Variants in SLC9B1 observed in about 807,000 individuals in gnomAD.
The protein encoded by SLC9B1 is solute carrier family 9 member B1, also known as sodium/hydrogen exchanger 9B1.
SLC9B1 carries 32 observed loss-of-function variants against 51.7 expected under a neutral mutation model. The observed-to-expected ratio is 0.62, with a 90% confidence interval of 0.47 to 0.83. The LOEUF (loss-of-function observed/expected upper bound fraction) is 0.83. Among genes scored for constraint, SLC9B1 ranks in the 40% least tolerant of loss-of-function variants. The pLI is 0.00. For synonymous variants in SLC9B1, 145 were observed against 212.7 expected (o/e 0.68, Z 2.77); for missense variants, 406 against 613.2 (o/e 0.66, Z 3.57).
chr4:102,914,755 C>A (rs1372965729), intron 7 of SLC9B1, among the ~76,000 whole-genome samples: 1 of 151,980 alleles, frequency 6.6e-6, no homozygotes, highest in Admixed American at 6.6e-5. Flanking sequence ...AGGATGCCAT[C>A]AAGCAGACCA....
chr4:102,993,764 G>C (rs1740074995), intron 1 of SLC9B1, among the ~76,000 whole-genome samples: 1 of 152,214 alleles, frequency 6.6e-6, no homozygotes, highest in Non-Finnish European at 1.5e-5. Flanking sequence ...CTGAAATCTA[G>C]GTGGAGGTTC....
chr4:102,962,894 G>T (rs1459579638), intron 3 of SLC9B1: 1 of 469,166 alleles, frequency 2.1e-6, no homozygotes, highest in Admixed American at 2.3e-5. Context: ...AATAGATGTT[G>T]GTTACAAAAG....
At chr4:103,015,761 T>C (rs1741283104) in intron 1 of SLC9B1, among the ~76,000 whole-genome samples, 2 of 152,176 alleles carry the variant, frequency 1.3e-5, no homozygotes, top group South Asian at 4.1e-4. Context: ...GCCGAAGGTC[T>C]CACCTCTGAC....
chr4:102,938,268 A>T (rs763482746), intron 6 of SLC9B1, among the ~76,000 whole-genome samples: 14 of 152,238 alleles, frequency 9.2e-5, no homozygotes, highest in Non-Finnish European at 1.8e-4. Context: ...ACAATCAAAA[A>T]GACAAAGAAG....
intron 3 of SLC9B1, among the ~76,000 whole-genome samples, chr4:102,969,542 G>T (rs752474911): frequency 2.0e-5 from 3 of 152,236 alleles, no homozygotes; most frequent in Non-Finnish European, 4.4e-5. Context: ...AACAAGAGCA[G>T]ACAAGCTGAA....
intron 3 of SLC9B1, among the ~76,000 whole-genome samples, chr4:102,979,232 C>T (rs534576146): frequency 1.3e-5 from 2 of 152,254 alleles, no homozygotes; most frequent in Admixed American, 6.5e-5. Flanking sequence ...AAGTAGTTAA[C>T]CTGATTGGTG....
chr4:102,900,157 C>T (rs1734719116), downstream of SLC9B1, among the ~76,000 whole-genome samples: 3 of 152,252 alleles, frequency 2.0e-5, no homozygotes, highest in South Asian at 4.1e-4. Context: ...TTGCATTGAG[C>T]TTTTGCCAAA....
At chr4:102,947,783 T>C (rs1210701461) in intron 4 of SLC9B1, among the ~76,000 whole-genome samples, 4 of 152,266 alleles carry the variant, frequency 2.6e-5, no homozygotes, top group Non-Finnish European at 5.9e-5. Context: ...GGCTAAATGA[T>C]ATAAACAACA....
intron 7 of SLC9B1, among the ~76,000 whole-genome samples, chr4:102,927,591 A>T (rs1319754630): frequency 1.3e-5 from 2 of 152,236 alleles, no homozygotes; most frequent in Admixed American, 1.3e-4. Context: ...GCTGGAGAGC[A>T]TATGGAGAAA....
At chr4:102,967,374 T>C (rs1738484327) in intron 3 of SLC9B1, among the ~76,000 whole-genome samples, 1 of 152,236 alleles carries the variant, frequency 6.6e-6, no homozygotes, top group East Asian at 1.9e-4. Context: ...ACAAATTTTC[T>C]GTCTTAGTCC....
intron 1 of SLC9B1, 105 bp from the exon 2 acceptor site, chr4:102,991,817 C>T (rs1392851820): frequency 2.7e-6 from 2 of 729,058 alleles, no homozygotes; most frequent in African/African-American, 1.8e-5. Flanking sequence ...ATTTTTTGTT[C>T]TAAAGTTGTA....
At chr4:103,010,111 A>G (rs1477606097) in intron 1 of SLC9B1, among the ~76,000 whole-genome samples, 1 of 152,250 alleles carries the variant, frequency 6.6e-6, no homozygotes, top group Admixed American at 6.5e-5. Context: ...TTGTTGCCAC[A>G]ATAAAGTGAC....
chr4:103,013,729 C>T lies in SLC9B1; in HGVS notation c.-2+5870G>A, dbSNP rs577256141. Reference sequence around the variant, plus strand: ...TTCCTATCTCAGAGAATGAAGCCACCATCGACCTAGTTGCTCAAAACAGAA... The same window carrying T: ...TTCCTATCTCAGAGAATGAAGCCACTATCGACCTAGTTGCTCAAAACAGAA... On this transcript the variant is annotated intron_variant, in intron 1 of 11. Transcript: ENST00000296422. Among the ~76,000 whole-genome samples the T allele has an allele frequency of 1.1e-4, 17 of 152,318 alleles. No individual in the cohort carries two copies. The South Asian group carries it at 3.1e-3, about 28-fold the overall frequency.
At chr4:102,994,186 T>A (rs1195855338) in intron 1 of SLC9B1, among the ~76,000 whole-genome samples, 1 of 152,176 alleles carries the variant, frequency 6.6e-6, no homozygotes, top group Non-Finnish European at 1.5e-5. Context: ...GGCTGCAATT[T>A]TTCCAAACTT....
intron 1 of SLC9B1, among the ~76,000 whole-genome samples, chr4:102,993,801 C>T (rs978394920): frequency 6.6e-6 from 1 of 152,200 alleles, no homozygotes; most frequent in East Asian, 1.9e-4. Context: ...GAGTTCTGTG[C>T]ACCTGTCGGC....
intron 11 of SLC9B1, among the ~76,000 whole-genome samples, chr4:102,893,899 C>CA (rs960102124): frequency 3.3e-5 from 5 of 151,824 alleles, no homozygotes; most frequent in Admixed American, 6.6e-5. Flanking sequence ...CATCTCAAAA[C>CA]AAAAAAACAA....
intron 7 of SLC9B1, among the ~76,000 whole-genome samples, chr4:102,927,760 A>G (rs986419086): frequency 5.9e-5 from 9 of 152,366 alleles, no homozygotes; most frequent in Non-Finnish European, 1.0e-4. Flanking sequence ...ATGCTACTAT[A>G]AAGACACATG....
At chr4:102,989,458 A>C (rs560638085) in intron 3 of SLC9B1, among the ~76,000 whole-genome samples, 7 of 151,990 alleles carry the variant, frequency 4.6e-5, no homozygotes, top group Non-Finnish European at 1.0e-4. Context: ...AAACATAATT[A>C]TTTCCAAAAT....
chr4:102,900,751 G>A (rs185593807), downstream of SLC9B1, among the ~76,000 whole-genome samples: 7 of 152,230 alleles, frequency 4.6e-5, no homozygotes, highest in Admixed American at 4.6e-4. Flanking sequence ...GGAAACTTAG[G>A]CTATCTTACC....
Sources: allele counts gnomAD v4.1 joint callset (sites outside exome capture counted in the v4.1 genomes callset), GRCh38; gene constraint gnomAD v4.1.1; transcripts MANE v1.5; gene names NCBI Gene and HGNC (gene_info 2026-07-23, HGNC 2026-07-21).